Variants in MTMR8 observed in about 807,000 individuals in gnomAD.
The protein encoded by MTMR8 is phosphatidylinositol-3,5-bisphosphate 3-phosphatase MTMR8.
A neutral mutation model predicts 39.3 loss-of-function variants in MTMR8; 65 were observed. The ratio of observed to expected loss-of-function variants is 1.65; its 90% CI spans 1.35 to 2.03. The LOEUF is 2.03. MTMR8 is among the 30% of genes most tolerant of loss of function. MTMR8 has a pLI of 0.00. For missense variants in MTMR8, 777 were observed against 538.9 expected, an observed-to-expected ratio of 1.44 and a Z score of -4.37; for synonymous variants, 245 against 185.2, an observed-to-expected ratio of 1.32 and a Z score of -2.62.
chrX:64,369,467 A>T (rs1406425812), intron 1 of MTMR8, among the ~76,000 whole-genome samples: 1 of 111,514 alleles, frequency 9.0e-6, no homozygotes, highest in African/African-American at 3.3e-5. Flanking sequence ...CTTTGCAGGG[A>T]CATGGATGAA....
intron 12 of MTMR8, among the ~76,000 whole-genome samples, chrX:64,328,003 T>C (rs892649664): frequency 9.0e-6 from 1 of 111,411 alleles, no homozygotes; most frequent in African/African-American, 3.3e-5. Flanking sequence ...AAATTTAAAA[T>C]GTAATAGCAA....
intron 12 of MTMR8, among the ~76,000 whole-genome samples, chrX:64,282,389 G>C (rs1333798650): frequency 9.0e-6 from 1 of 111,212 alleles, no homozygotes; most frequent in Non-Finnish European, 1.9e-5. Flanking sequence ...AGAGCATCAT[G>C]TGGGGCTTAA....
chrX:64,351,467 C>G (rs905183299), intron 4 of MTMR8, among the ~76,000 whole-genome samples: 7 of 111,578 alleles, frequency 6.3e-5, no homozygotes, highest in African/African-American at 2.3e-4. Context: ...CTGATTGCTA[C>G]CTGTGTTAGA....
intron 1 of MTMR8, among the ~76,000 whole-genome samples, chrX:64,382,506 G>T (rs1300633487): frequency 9.0e-6 from 1 of 111,516 alleles, no homozygotes; most frequent in Non-Finnish European, 1.9e-5. Flanking sequence ...ATTTTGGGCT[G>T]ATATGATGGG....
At chrX:64,390,782 A>T (rs1423959140) in intron 1 of MTMR8, among the ~76,000 whole-genome samples, 2 of 110,057 alleles carry the variant, frequency 1.8e-5, no homozygotes, top group Non-Finnish European at 3.8e-5. Context: ...CAGCCTCTCG[A>T]GTAGCTGAGA....
chrX:64,286,547 G>A (rs1010519815), intron 12 of MTMR8, among the ~76,000 whole-genome samples: 2 of 111,906 alleles, frequency 1.8e-5, no homozygotes, highest in Non-Finnish European at 1.9e-5. Context: ...GATGAACATT[G>A]ATGCAAAAAT....
chrX:64,334,402 A>T (rs1923019622), intron 10 of MTMR8, among the ~76,000 whole-genome samples: 1 of 108,208 alleles, frequency 9.2e-6, no homozygotes, highest in African/African-American at 3.4e-5. Flanking sequence ...TCAGGCCCTC[A>T]TCAATTCTGG....
In MTMR8 at chrX:64,335,134, A is replaced by AT. The variant is rs372963600; in HGVS notation, c.1151+944dup. On this transcript the variant is annotated intron_variant, in intron 10 of 13. Coordinates refer to ENST00000374852, the MANE Select transcript of MTMR8 (RefSeq NM_017677.4). The stretch of plus-strand genomic sequence containing the variant: ...TATAATCTCCTTGGGGTAAAACTCA[A>AT]TTTTTTTTTTTTTTGAGATGGAGTT... Among the ~76,000 whole-genome samples the AT allele has an allele frequency of 4.3e-3, 441 of 103,287 alleles. 1 individual carries two copies. The highest frequency in any genetic ancestry group is 6.4e-3 in the African/African-American group (185 of 28,729). The allele number at this position is 103,287 out of a possible 115,157, so 89.7% of individuals were successfully genotyped here.
chrX:64,283,656 T>G (rs549145232), intron 12 of MTMR8, among the ~76,000 whole-genome samples: 1 of 112,439 alleles, frequency 8.9e-6, no homozygotes, highest in African/African-American at 3.2e-5. Context: ...CAGCAACATT[T>G]GCTGTTGAGC....
At chrX:64,273,887 A>G (rs1931817249) in intron 12 of MTMR8, among the ~76,000 whole-genome samples, 1 of 112,090 alleles carries the variant, frequency 8.9e-6, no homozygotes, top group Non-Finnish European at 1.9e-5. Context: ...TGACGAAAGG[A>G]TCAATACATC....
rs1309118889 is a variant in MTMR8, at chrX:64,350,045, A to G, written c.494T>C (p.Ile165Thr). The change falls in exon 5 of 14, where the codon ATA becomes ACA. Residue 165 changes from isoleucine to threonine, a missense_variant. Ile to Thr is a moderately conservative substitution (Grantham distance 89, BLOSUM62 -1). Transcript: ENST00000374852. ...YEICSTYPPE[I>T]VVPKSVTLGT... ...CAAGGTAACAGATTTAGGAACCACT[A>G]TTTCAGGAGGGTAGGTGCTGCATAT... The G allele has an allele frequency of 2.6e-6, 3 of 1,175,805 alleles. No individual in the cohort carries two copies. The highest frequency in any genetic ancestry group is 2.0e-5 in the South Asian group (1 of 51,070).
At chrX:64,347,102 T>A (rs911578684) in intron 6 of MTMR8, among the ~76,000 whole-genome samples, 2 of 111,050 alleles carry the variant, frequency 1.8e-5, no homozygotes, top group African/African-American at 6.5e-5. Flanking sequence ...CAGGTTTGAC[T>A]GACTCCTAGA....
chrX:64,269,063 G>A lies in MTMR8; in HGVS notation c.1609-20C>T, dbSNP rs1171194452. The stretch of plus-strand genomic sequence containing the variant: ...TAGTTTCTGCCTCAGGAGCAAGAAA[G>A]GGTTGAGAAGAATTAGAAACAGGAG... On this transcript the variant is annotated intron_variant, in intron 13 of 13. Coordinates refer to ENST00000374852, the MANE Select transcript of MTMR8 (RefSeq NM_017677.4). 8.4e-7 allele frequency: 1 copy of A among 1,193,993 alleles called. No individual in the cohort carries two copies. Among genetic ancestry groups the A allele is most frequent in the Non-Finnish European group, 1.1e-6 (1 of 886,952 alleles).
intron 1 of MTMR8, among the ~76,000 whole-genome samples, chrX:64,361,632 T>C (rs1212227955): frequency 9.0e-6 from 1 of 111,478 alleles, no homozygotes; most frequent in Non-Finnish European, 1.9e-5. Flanking sequence ...AGCTTAATTC[T>C]ATTTATAATG....
Position 64,358,843 on chromosome X carries a change from GCACACACACACACA to G in MTMR8, c.147+548_147+561del, listed in dbSNP as rs762422321. 3.3e-5 allele frequency among the ~76,000 whole-genome samples: 3 copies of G among 91,174 alleles called. No homozygotes were observed. In the Admixed American group the frequency reaches 3.6e-4, roughly 11 times the overall value. The allele number at this position is 91,174 out of a possible 115,157, so 79.2% of individuals were successfully genotyped here. On this transcript the variant is annotated intron_variant, in intron 2 of 13. Transcript: ENST00000374852. ...GAAACACATACACATGCCCGTGCATGCACACACACACACACACACACACACACACACACACATAT... is the reference window on the plus strand; with the variant it reads ...GAAACACATACACATGCCCGTGCATGCACACACACACACACACACACATAT...
intron 12 of MTMR8, among the ~76,000 whole-genome samples, chrX:64,323,178 G>T (rs1292963895): frequency 8.9e-6 from 1 of 112,226 alleles, no homozygotes; most frequent in Non-Finnish European, 1.9e-5. Context: ...AATTCCAGGG[G>T]GTACCTGCTC....
chrX:64,356,365 A>C, intron 2 of MTMR8, 27 bp from the exon 3 acceptor site: 2 of 1,175,446 alleles, frequency 1.7e-6, no homozygotes, highest in Non-Finnish European at 2.3e-6. Context: ...AACCAGCGTA[A>C]ACATACAGAT....
intron 12 of MTMR8, among the ~76,000 whole-genome samples, chrX:64,328,556 T>C (rs1448369839): frequency 8.9e-6 from 1 of 111,752 alleles, no homozygotes; most frequent in East Asian, 2.8e-4. Flanking sequence ...CTATAATTTC[T>C]TATTTATTTC....
At chrX:64,356,104 C>T in intron 3 of MTMR8, 72 bp downstream of exon 3, 2 of 1,050,357 alleles carry the variant, frequency 1.9e-6, no homozygotes, top group East Asian at 3.3e-5. Flanking sequence ...GACTCCATAG[C>T]CCTGATCTTT....
Sources: allele counts gnomAD v4.1 joint callset (sites outside exome capture counted in the v4.1 genomes callset), GRCh38; gene constraint gnomAD v4.1.1; transcripts MANE v1.5; gene names NCBI Gene and HGNC (gene_info 2026-07-23, HGNC 2026-07-21).